SRPK2: variants seen among roughly 807,000 people sequenced by gnomAD.
SRPK2 encodes SRSF protein kinase 2, also known as SFRS protein kinase 2.
Under a neutral mutation model 90.8 loss-of-function variants are expected in SRPK2, and 21 were observed. The observed-to-expected ratio is 0.23, with a 90% confidence interval of 0.16 to 0.33. SRPK2 has a LOEUF of 0.33. SRPK2 is among the 10% of genes least tolerant of loss of function. The probability of loss-of-function intolerance (pLI) is 1.00; values close to 1 mark genes in which losing one functional copy is unlikely to be tolerated. For synonymous variants in SRPK2, 288 were observed against 311.1 expected, an observed-to-expected ratio of 0.93 and a Z score of 0.78; for missense variants, 620 against 869.0, an observed-to-expected ratio of 0.71 and a Z score of 3.60.
chr7:105,197,354 C>A (rs3801285), intron 3 of SRPK2, among the ~76,000 whole-genome samples: 45,702 of 151,924 alleles, frequency 0.3, 7,171 homozygotes, highest in Non-Finnish European at 0.34. Flanking sequence ...ATATATGTCA[C>A]TCAAATGTGT....
At chr7:105,118,508 G>A (rs1473681522) in intron 15 of SRPK2, among the ~76,000 whole-genome samples, 4 of 152,200 alleles carry the variant, frequency 2.6e-5, no homozygotes, top group African/African-American at 9.6e-5. Context: ...AGTATGAAAA[G>A]TGTCGGTTAC....
intron 2 of SRPK2, among the ~76,000 whole-genome samples, chr7:105,316,645 A>T (rs1308598217): frequency 6.6e-6 from 1 of 152,230 alleles, no homozygotes; most frequent in African/African-American, 2.4e-5. Context: ...TTCTAATTAG[A>T]AAAGGTTAAT....
At chr7:105,381,573 A>C (rs568042638) in intron 2 of SRPK2, among the ~76,000 whole-genome samples, 2 of 152,342 alleles carry the variant, frequency 1.3e-5, no homozygotes, top group South Asian at 2.1e-4. Context: ...TCACAAAGCA[A>C]TCTCTTCTAC....
At chr7:105,179,761 G>A (rs1792493847) in intron 3 of SRPK2, among the ~76,000 whole-genome samples, 1 of 147,724 alleles carries the variant, frequency 6.8e-6, no homozygotes, top group Admixed American at 6.8e-5. Flanking sequence ...GGAGGCAGAG[G>A]TTGCAGTGAG....
At chr7:105,348,056 C>T (rs1816678513) in intron 2 of SRPK2, among the ~76,000 whole-genome samples, 1 of 146,008 alleles carries the variant, frequency 6.8e-6, no homozygotes, top group East Asian at 2.0e-4. Flanking sequence ...GAGAATATGG[C>T]TGCTTGGCAA....
chr7:105,214,151 C>T (rs1797173426), intron 2 of SRPK2, among the ~76,000 whole-genome samples: 1 of 152,302 alleles, frequency 6.6e-6, no homozygotes, highest in Non-Finnish European at 1.5e-5. Flanking sequence ...AGATATAGAA[C>T]ATTTCTATCA....
chr7:105,293,631 G>T (rs140951348), intron 2 of SRPK2, among the ~76,000 whole-genome samples: 457 of 152,146 alleles, frequency 3.0e-3, no homozygotes, highest in African/African-American at 0.01. Flanking sequence ...TGTTGGCCAG[G>T]CTGGTCTCAA....
At chr7:105,263,551 T>A (rs1259903271) in intron 2 of SRPK2, among the ~76,000 whole-genome samples, 2 of 152,122 alleles carry the variant, frequency 1.3e-5, no homozygotes, top group African/African-American at 2.4e-5. Flanking sequence ...GGGTTTCTAT[T>A]TATATAATGT....
chr7:105,191,764 C>T (rs1331159286), intron 3 of SRPK2, among the ~76,000 whole-genome samples: 1 of 151,796 alleles, frequency 6.6e-6, no homozygotes, highest in Non-Finnish European at 1.5e-5. Context: ...CTTGTATCTT[C>T]TCTCTCTTTA....
chr7:105,360,163 C>T (rs567636600), intron 2 of SRPK2, among the ~76,000 whole-genome samples: 1 of 152,058 alleles, frequency 6.6e-6, no homozygotes, highest in African/African-American at 2.4e-5. Flanking sequence ...TTGTTCTTTG[C>T]TGGTTTAAAG....
In SRPK2 at chr7:105,203,822, A is replaced by T. The variant is rs1234066245; in HGVS notation, c.72-37T>A. 2.6e-6 allele frequency: 4 copies of T among 1,551,512 alleles called. No homozygotes were observed. In the East Asian group the frequency reaches 9.8e-5, roughly 38 times the overall value. On this transcript the variant is annotated intron_variant, in intron 2 of 15. Coordinates refer to ENST00000393651, the MANE Select transcript of SRPK2 (RefSeq NM_182692.3). ...GAGAGAAAATTGCTATTTACTTAGA[A>T]GTACATCTTGCATTATGGATGCATT...
chr7:105,349,332 G>A (rs527339150), intron 2 of SRPK2, among the ~76,000 whole-genome samples: 3 of 151,906 alleles, frequency 2.0e-5, no homozygotes, highest in Non-Finnish European at 4.4e-5. Context: ...AGACCAGCCC[G>A]ACCAACATGG....
At chr7:105,167,348 A>G in intron 6 of SRPK2, 29 bp downstream of exon 6, 1 of 1,580,762 alleles carries the variant, frequency 6.3e-7, no homozygotes, top group Non-Finnish European at 8.7e-7. Flanking sequence ...AAAGGTAAAA[A>G]TACAAATAAA....
At chr7:105,145,145 C>G in intron 9 of SRPK2, 138 bp downstream of exon 9, 1 of 451,094 alleles carries the variant, frequency 2.2e-6, no homozygotes, top group East Asian at 3.8e-5. Flanking sequence ...GACATTAAGT[C>G]TTACCTATTT....
chr7:105,170,903 GAAA>G (rs1585037979), intron 3 of SRPK2, among the ~76,000 whole-genome samples: 31 of 73,374 alleles, frequency 4.2e-4, no homozygotes, highest in East Asian at 2.5e-3. Flanking sequence ...AAGAAAGAAA[GAAA>G]GAAAGAAAGG....
intron 2 of SRPK2, among the ~76,000 whole-genome samples, chr7:105,383,002 T>C (rs1821120550): frequency 2.0e-5 from 3 of 151,536 alleles, no homozygotes. Flanking sequence ...CAAAGAACTC[T>C]GTACCACTTT....
At chr7:105,169,499 G>C (rs1790527067) in intron 3 of SRPK2, among the ~76,000 whole-genome samples, 1 of 152,170 alleles carries the variant, frequency 6.6e-6, no homozygotes, top group African/African-American at 2.4e-5. Context: ...GGCCAAGGCA[G>C]GTGGATCATT....
At chr7:105,364,431 C>T (rs1280570127) in intron 2 of SRPK2, among the ~76,000 whole-genome samples, 1 of 127,844 alleles carries the variant, frequency 7.8e-6, no homozygotes, top group Non-Finnish European at 1.6e-5. Flanking sequence ...GAAGGAGTCT[C>T]GCACTGTCAC....
intron 2 of SRPK2, among the ~76,000 whole-genome samples, chr7:105,352,769 C>T (rs1353528501): frequency 1.3e-5 from 2 of 152,080 alleles, no homozygotes; most frequent in African/African-American, 2.4e-5. Flanking sequence ...GCTGTGGTGG[C>T]GCACGCCTGT....
Sources: allele counts gnomAD v4.1 joint callset (sites outside exome capture counted in the v4.1 genomes callset), GRCh38; gene constraint gnomAD v4.1.1; transcripts MANE v1.5; gene names NCBI Gene and HGNC (gene_info 2026-07-23, HGNC 2026-07-21).